The following KIF21A variants were observed in gnomAD, a reference collection of about 807,000 sequenced individuals.
KIF21A encodes kinesin family member 21A, also known as kinesin-like protein KIF21A.
KIF21A carries 114 observed loss-of-function variants against 202.9 expected under a neutral mutation model. The ratio of observed to expected loss-of-function variants is 0.56; its 90% CI spans 0.48 to 0.66. The LOEUF (loss-of-function observed/expected upper bound fraction) is 0.66. Among genes scored for constraint, KIF21A ranks in the 30% least tolerant of loss-of-function variants. The pLI, the probability that KIF21A is intolerant of heterozygous loss-of-function variation, is 0.00. For missense variants in KIF21A, 1,677 were observed against 1,994.9 expected, an observed-to-expected ratio of 0.84 and a Z score of 3.04; for synonymous variants, 667 against 670.8, an observed-to-expected ratio of 0.99 and a Z score of 0.09.
At chr12:39,344,956 A>T (rs1947765492) in intron 12 of KIF21A, among the ~76,000 whole-genome samples, 2 of 152,144 alleles carry the variant, frequency 1.3e-5, no homozygotes, top group African/African-American at 4.8e-5. Context: ...AGAGAACTAA[A>T]ACCAGTTATC....
chr12:39,387,184 A>G (rs938282094), intron 1 of KIF21A, among the ~76,000 whole-genome samples: 1 of 151,604 alleles, frequency 6.6e-6, no homozygotes, highest in Non-Finnish European at 1.5e-5. Flanking sequence ...ACACACACAC[A>G]CACACACACA....
chr12:39,332,441 T>C (rs1213187718), intron 20 of KIF21A, 33 bp from the exon 21 acceptor site: 2 of 1,603,938 alleles, frequency 1.2e-6, no homozygotes, highest in Non-Finnish European at 1.7e-6. Context: ...TTTAAGAAAT[T>C]ATGTTCACTT....
intron 24 of KIF21A, 48 bp from the exon 25 acceptor site, chr12:39,326,372 T>C (rs1270998220): frequency 1.5e-6 from 2 of 1,321,062 alleles, no homozygotes; most frequent in Non-Finnish European, 2.2e-6. Context: ...TGTCACAGTT[T>C]GAATGGTGAC....
intron 11 of KIF21A, among the ~76,000 whole-genome samples, chr12:39,351,485 T>C (rs1209810994): frequency 6.6e-6 from 1 of 152,032 alleles, no homozygotes; most frequent in Admixed American, 6.6e-5. Context: ...GCAAAATGAA[T>C]GGAATGCAAA....
At chr12:39,390,081 G>C (rs1226614297) in intron 1 of KIF21A, among the ~76,000 whole-genome samples, 1 of 152,098 alleles carries the variant, frequency 6.6e-6, no homozygotes, top group Non-Finnish European at 1.5e-5. Flanking sequence ...ATTCATCGTT[G>C]TATCTCTTCT....
intron 37 of KIF21A, among the ~76,000 whole-genome samples, chr12:39,297,298 T>G (rs1942476698): frequency 6.6e-6 from 1 of 152,106 alleles, no homozygotes; most frequent in South Asian, 2.1e-4. Context: ...GTATGTTTAT[T>G]GCGGCACTAT....
intron 3 of KIF21A, 60 bp from the exon 4 acceptor site, chr12:39,368,092 C>T: frequency 1.0e-6 from 1 of 992,524 alleles, no homozygotes; most frequent in Non-Finnish European, 1.6e-6. Context: ...GTTGTCATAA[C>T]AACACATTAC....
At chr12:39,402,396 T>C (rs1463113912) in intron 1 of KIF21A, among the ~76,000 whole-genome samples, 1 of 152,150 alleles carries the variant, frequency 6.6e-6, no homozygotes, top group African/African-American at 2.4e-5. Flanking sequence ...GGTTCTAAAG[T>C]ATTTCTACAA....
intron 24 of KIF21A, among the ~76,000 whole-genome samples, chr12:39,328,110 T>C (rs1391172081): frequency 2.0e-5 from 3 of 152,182 alleles, no homozygotes; most frequent in African/African-American, 7.2e-5. Context: ...AACTGGACTT[T>C]GGCTGACATC....
rs1173092197 is a variant in KIF21A at position 39,326,155 on chromosome 12, G to A, written c.3401+109C>T. 4 of 850,762 alleles carry A rather than the reference G, an allele frequency of 4.7e-6. No homozygotes were observed. The Admixed American group carries it at 5.9e-5, about 12-fold the overall frequency. 52.7% of individuals were successfully genotyped at this position (850,762 alleles called of 1,614,324 possible). ...ACTGTTTCTAAGTGCTATTCACTAG[G>A]CCATTAGATTGAAAATTATTTCTGT... is the stretch of plus-strand genomic sequence containing the variant. On this transcript the variant is annotated intron_variant, in intron 25 of 37. Transcript: ENST00000361418.
At chr12:39,332,784 A>C in intron 19 of KIF21A, 40 bp from the exon 20 acceptor site, 1 of 1,610,148 alleles carries the variant, frequency 6.2e-7, no homozygotes, top group Non-Finnish European at 8.5e-7. Context: ...TTACTTATGC[A>C]CTTATTTGAT....
intron 21 of KIF21A, 93 bp from the exon 22 acceptor site, chr12:39,331,884 G>A: frequency 2.1e-6 from 2 of 968,118 alleles, no homozygotes; most frequent in South Asian, 1.3e-5. Flanking sequence ...TCCTAGTATT[G>A]GGTTAGCTAA....
At chr12:39,299,213 C>A (rs1316739392) in intron 37 of KIF21A, among the ~76,000 whole-genome samples, 1 of 151,996 alleles carries the variant, frequency 6.6e-6, no homozygotes, top group Non-Finnish European at 1.5e-5. Context: ...AACTATGAAT[C>A]TGACAAAGGT....
chr12:39,366,370 T>C lies in KIF21A; in HGVS notation c.883A>G (p.Ile295Val), dbSNP rs1177512217. The C allele has an allele frequency of 6.2e-6, 10 of 1,613,948 alleles. No individual in the cohort carries two copies. The highest frequency in any genetic ancestry group is 8.5e-6 in the Non-Finnish European group (10 of 1,179,970). ...GATGERAKEGISINCGLLALG... is the reference protein window; with the variant it reads ...GATGERAKEGVSINCGLLALG... Reference sequence around the variant, plus strand: ...CTTACAAGTCCACAGTTGATAGAAATGCCTTCTTTTGCCCTCTCGCCTGTA... The same window carrying C: ...CTTACAAGTCCACAGTTGATAGAAACGCCTTCTTTTGCCCTCTCGCCTGTA... Residue 295 changes from isoleucine (I) to valine (V), a missense_variant, in exon 6 of 38, where the codon ATT (isoleucine) becomes GTT (valine). Ile to Val is a conservative substitution (Grantham distance 29, BLOSUM62 3). Coordinates refer to ENST00000361418, the MANE Select transcript of KIF21A (RefSeq NM_001173464.2).
intron 1 of KIF21A, among the ~76,000 whole-genome samples, chr12:39,398,189 A>G (rs192327606): frequency 5.9e-5 from 9 of 152,310 alleles, no homozygotes; most frequent in Admixed American, 2.6e-4. Flanking sequence ...TCTACATTTT[A>G]AAAACCATCA....
chr12:39,351,287 T>C (rs1948353916), intron 11 of KIF21A, among the ~76,000 whole-genome samples: 1 of 152,050 alleles, frequency 6.6e-6, no homozygotes, highest in Non-Finnish European at 1.5e-5. Flanking sequence ...ATAATCAAAT[T>C]AGAAGCCCTG....
At chr12:39,297,530 T>C (rs1425581092) in intron 37 of KIF21A, among the ~76,000 whole-genome samples, 1 of 132,578 alleles carries the variant, frequency 7.5e-6, no homozygotes, top group South Asian at 2.4e-4. Context: ...AGGTGGGAAG[T>C]GAACAATGAG....
intron 9 of KIF21A, 66 bp downstream of exon 9, chr12:39,357,182 G>T: frequency 2.2e-6 from 3 of 1,363,422 alleles, no homozygotes; most frequent in Non-Finnish European, 3.1e-6. Flanking sequence ...GGTAATTAGT[G>T]AACACAAAGA....
In KIF21A at chr12:39,330,925, A is replaced by G. The variant is rs1408757484; in HGVS notation, c.3154-14T>C. ...AGCCTGAAGACCCTGAAACACAACA[A>G]AAAATTATCTTAGGTCATACGAAAC... On this transcript the variant is annotated splice_polypyrimidine_tract_variant and intron_variant, in intron 22 of 37. Coordinates refer to ENST00000361418, the MANE Select transcript of KIF21A (RefSeq NM_001173464.2). The G allele has an allele frequency of 9.3e-6, 15 of 1,613,544 alleles. No homozygotes were observed. The highest frequency in any genetic ancestry group is 1.1e-5 in the Non-Finnish European group (13 of 1,179,622).
Sources: allele counts gnomAD v4.1 joint callset (sites outside exome capture counted in the v4.1 genomes callset), GRCh38; gene constraint gnomAD v4.1.1; transcripts MANE v1.5; gene names NCBI Gene and HGNC (gene_info 2026-07-23, HGNC 2026-07-21).